PTPRN2: variants seen among roughly 807,000 people sequenced by gnomAD.
PTPRN2 encodes receptor-type tyrosine-protein phosphatase N2.
Under a neutral mutation model 118.8 loss-of-function variants are expected in PTPRN2, and 74 were observed. That is an observed-to-expected ratio of 0.62 (90% confidence interval 0.52 to 0.76). The LOEUF (loss-of-function observed/expected upper bound fraction) is 0.76, where lower values mean the gene tolerates loss of function less well. Among genes scored for constraint, PTPRN2 ranks in the 30% least tolerant of loss-of-function variants. PTPRN2 has a pLI of 0.00. For missense variants in PTPRN2, 1,481 were observed against 1,394.4 expected, an observed-to-expected ratio of 1.06 and a Z score of -0.99; for synonymous variants, 641 against 608.0, an observed-to-expected ratio of 1.05 and a Z score of -0.80.
At chr7:158,421,113 C>A (rs1815209334) in intron 2 of PTPRN2, among the ~76,000 whole-genome samples, 1 of 152,188 alleles carries the variant, frequency 6.6e-6, no homozygotes. Flanking sequence ...ACGTGTGTGG[C>A]TCAGATCTTC....
intron 9 of PTPRN2, among the ~76,000 whole-genome samples, chr7:158,113,017 GC>G (rs548756325): frequency 6.6e-6 from 1 of 151,208 alleles, no homozygotes; most frequent in African/African-American, 2.4e-5. Flanking sequence ...AGCATTGAGG[GC>G]CCCCCGGCAT....
chr7:158,400,043 G>A (rs1028362858), intron 2 of PTPRN2, among the ~76,000 whole-genome samples: 1 of 152,184 alleles, frequency 6.6e-6, no homozygotes, highest in Non-Finnish European at 1.5e-5. Context: ...GGGTACTCAG[G>A]CCACCTTTCA....
chr7:157,701,340 C>T (rs747026260), intron 12 of PTPRN2, among the ~76,000 whole-genome samples: 2 of 152,210 alleles, frequency 1.3e-5, no homozygotes, highest in Non-Finnish European at 2.9e-5. Context: ...CCGCGGGTCT[C>T]CGCCAGAGCC....
intron 15 of PTPRN2, 73 bp from the exon 16 acceptor site, chr7:157,604,148 AG>A: frequency 7.2e-7 from 1 of 1,392,722 alleles, no homozygotes. Flanking sequence ...CTTGGCCTCC[AG>A]GGCCCCCCAC....
chr7:158,261,854 G>A (rs868784073), intron 3 of PTPRN2, among the ~76,000 whole-genome samples: 7 of 152,186 alleles, frequency 4.6e-5, no homozygotes, highest in South Asian at 4.1e-4. Flanking sequence ...ATATTCTGAC[G>A]GGGCTTCCCG....
rs1035646523 is a variant in PTPRN2, at chr7:158,421,726, C to T, written c.163+68009G>A. Among the ~76,000 whole-genome samples, 48 of 152,212 alleles carry T rather than the reference C, an allele frequency of 3.2e-4. 1 individual carries two copies. Among genetic ancestry groups the T allele is most frequent in the Admixed American group, 1.1e-3 (17 of 15,300 alleles). On this transcript the variant is annotated intron_variant, in intron 2 of 22. Coordinates refer to ENST00000389418, the MANE Select transcript of PTPRN2 (RefSeq NM_002847.5). ...CGTGGAGTAAATTGCTAGTTTTCTC[C>T]GCAGCATGTTCTGGGCTGCTTTGGG... is the stretch of plus-strand genomic sequence containing the variant.
chr7:158,121,994 G>A (rs943611882), intron 9 of PTPRN2, among the ~76,000 whole-genome samples: 3 of 152,168 alleles, frequency 2.0e-5, no homozygotes, highest in Admixed American at 2.0e-4. Context: ...CTGTCATTCC[G>A]AGGCCTGAAC....
chr7:158,324,895 C>T (rs1199140188), intron 2 of PTPRN2, among the ~76,000 whole-genome samples: 1 of 152,164 alleles, frequency 6.6e-6, no homozygotes, highest in African/African-American at 2.4e-5. Flanking sequence ...CCCAGGCCTG[C>T]ACTAAACGAC....
At chr7:158,025,926 T>C (rs2128878991) in intron 11 of PTPRN2, among the ~76,000 whole-genome samples, 1 of 152,376 alleles carries the variant, frequency 6.6e-6, no homozygotes, top group African/African-American at 2.4e-5. Flanking sequence ...TTGCTTTCAA[T>C]TCCTTTTGTA....
chr7:158,139,210 A>T (rs998142367), intron 6 of PTPRN2, among the ~76,000 whole-genome samples: 8 of 152,186 alleles, frequency 5.3e-5, no homozygotes, highest in Non-Finnish European at 1.0e-4. Flanking sequence ...CGAGGAGACA[A>T]GGCCATTTGT....
chr7:157,790,135 G>A (rs969552521), intron 12 of PTPRN2, among the ~76,000 whole-genome samples: 2 of 143,496 alleles, frequency 1.4e-5, no homozygotes, highest in African/African-American at 5.2e-5. Context: ...GTGTGTGTGT[G>A]GTGGGGGTGT....
At chr7:158,342,057 T>G in intron 2 of PTPRN2, among the ~76,000 whole-genome samples, 1 of 111,632 alleles carries the variant, frequency 9.0e-6, no homozygotes, top group African/African-American at 3.6e-5. Context: ...CCCGCAGACG[T>G]TACTCACATC....
chr7:158,418,682 G>A (rs147208724), intron 2 of PTPRN2, among the ~76,000 whole-genome samples: 2,816 of 150,718 alleles, frequency 0.019, 98 homozygotes, highest in African/African-American at 0.064. Flanking sequence ...GTTAAGTCAC[G>A]GTGTACTACA....
intron 12 of PTPRN2, among the ~76,000 whole-genome samples, chr7:157,761,918 C>G (rs1215022888): frequency 6.6e-6 from 1 of 152,084 alleles, no homozygotes; most frequent in Non-Finnish European, 1.5e-5. Context: ...AAAACCCCAT[C>G]AAAAAGTGGG....
intron 11 of PTPRN2, among the ~76,000 whole-genome samples, chr7:158,060,926 T>A (rs1021147343): frequency 1.3e-5 from 2 of 152,258 alleles, no homozygotes; most frequent in African/African-American, 2.4e-5. Flanking sequence ...TGAGCTTGTA[T>A]CAAGGCTGAG....
In PTPRN2 at chr7:157,815,862, G is replaced by A. The variant is rs114932810; in HGVS notation, c.1788+82811C>T. Among the ~76,000 whole-genome samples, 1,195 of 152,350 alleles carry A rather than the reference G, an allele frequency of 7.8e-3. 22 individuals are homozygous for A. The highest frequency in any genetic ancestry group is 0.027 in the African/African-American group (1,141 of 41,594). On this transcript the variant is annotated intron_variant, in intron 12 of 22. Transcript: ENST00000389418. ...GTGCACACTCTGCACACGCTCAGGC[G>A]GTGACACGTTGCAGACATCGCTGTG... is the stretch of plus-strand genomic sequence containing the variant.
chr7:157,947,391 A>T (rs1800552749), intron 11 of PTPRN2, among the ~76,000 whole-genome samples: 1 of 152,198 alleles, frequency 6.6e-6, no homozygotes, highest in Non-Finnish European at 1.5e-5. Flanking sequence ...TGGTTAAAAG[A>T]CATTCTGTGG....
chr7:157,731,562 T>C lies in PTPRN2; in HGVS notation c.1789-48625A>G, dbSNP rs369182369. On this transcript the variant is annotated intron_variant, in intron 12 of 22. Coordinates refer to ENST00000389418, the MANE Select transcript of PTPRN2 (RefSeq NM_002847.5). ...AGCACAGTTACCCTTTCCCGTCCCA[T>C]GCGCCCAGCACAGTTACTCTTTTCC... Among the ~76,000 whole-genome samples the C allele has an allele frequency of 1.1e-3, 100 of 91,500 alleles. 2 individuals are homozygous for C. Among genetic ancestry groups the C allele is most frequent in the East Asian group, 9.9e-3 (32 of 3,228 alleles). 60.0% of individuals were successfully genotyped at this position (91,500 alleles called of 152,430 possible). A position where few individuals can be genotyped will look rare whatever the true frequency, so the allele number is the denominator to read the frequency against.
chr7:158,152,521 G>T (rs1261438157), intron 6 of PTPRN2, among the ~76,000 whole-genome samples: 1 of 152,200 alleles, frequency 6.6e-6, no homozygotes, highest in Non-Finnish European at 1.5e-5. Context: ...TGCTGGGAAG[G>T]GGAGAGCTGG....
Sources: gnomAD v4.1 joint callset for allele counts (sites outside exome capture counted in the v4.1 genomes callset) on GRCh38, gnomAD v4.1.1 for gene constraint, MANE v1.5 for transcripts, NCBI Gene and HGNC (gene_info 2026-07-23, HGNC 2026-07-21) for gene names.